Variants in MLLT3 observed in about 807,000 individuals in gnomAD.
The protein encoded by MLLT3 is MLLT3 super elongation complex subunit, also known as protein AF-9.
In MLLT3, 4 loss-of-function variants were observed where a neutral mutation model predicts 53.2. The ratio of observed to expected loss-of-function variants is 0.08; its 90% CI spans 0.04 to 0.17. The LOEUF is 0.17. Among genes scored for constraint, MLLT3 ranks in the 10% least tolerant of loss-of-function variants. The pLI, the probability that MLLT3 is intolerant of heterozygous loss-of-function variation, is 1.00. For missense variants in MLLT3, 569 were observed against 684.0 expected (o/e 0.83, Z 1.87); for synonymous variants, 283 against 230.6 (o/e 1.23, Z -2.06).
intron 5 of MLLT3, among the ~76,000 whole-genome samples, chr9:20,371,102 A>G (rs975315968): frequency 2.6e-5 from 4 of 152,208 alleles, no homozygotes; most frequent in African/African-American, 9.6e-5. Flanking sequence ...CAAAGCCCTA[A>G]TTCTCTTTAA....
chr9:20,378,973 G>A (rs1821843914), intron 5 of MLLT3, among the ~76,000 whole-genome samples: 1 of 152,020 alleles, frequency 6.6e-6, no homozygotes, highest in South Asian at 2.1e-4. Context: ...CTGCTTATAA[G>A]GCTCTAAAGG....
intron 2 of MLLT3, among the ~76,000 whole-genome samples, chr9:20,619,244 T>C (rs999561870): frequency 4.6e-5 from 7 of 152,252 alleles, no homozygotes; most frequent in East Asian, 3.8e-4. Flanking sequence ...TGCATATTTC[T>C]AGCCCTCTAT....
At chr9:20,456,629 G>A in intron 3 of MLLT3, 75 bp downstream of exon 3, 1 of 1,076,606 alleles carries the variant, frequency 9.3e-7, no homozygotes, top group African/African-American at 1.6e-5. Flanking sequence ...GTGCTTATGA[G>A]TCAAAATTAT....
chr9:20,490,593 C>T (rs975215965), intron 2 of MLLT3, among the ~76,000 whole-genome samples: 4 of 152,208 alleles, frequency 2.6e-5, no homozygotes, highest in African/African-American at 9.6e-5. Flanking sequence ...GCTGGCAACA[C>T]CTAGATTTCA....
intron 5 of MLLT3, among the ~76,000 whole-genome samples, chr9:20,405,982 T>A (rs1358766357): frequency 1.3e-5 from 2 of 151,802 alleles, no homozygotes. Flanking sequence ...CATGGTGGTA[T>A]GCGCCTGTGA....
chr9:20,582,389 C>A (rs1381286450), intron 2 of MLLT3, among the ~76,000 whole-genome samples: 1 of 152,104 alleles, frequency 6.6e-6, no homozygotes, highest in African/African-American at 2.4e-5. Context: ...TCTACCTATT[C>A]GTCCCTTCCT....
intron 2 of MLLT3, among the ~76,000 whole-genome samples, chr9:20,490,837 G>T (rs1020999324): frequency 6.6e-6 from 1 of 151,988 alleles, no homozygotes; most frequent in Non-Finnish European, 1.5e-5. Flanking sequence ...AGGAAACTAA[G>T]GAATAGAGAG....
intron 4 of MLLT3, among the ~76,000 whole-genome samples, chr9:20,414,729 C>A (rs967294196): frequency 6.6e-6 from 1 of 152,084 alleles, no homozygotes. Context: ...CTAGAAGATA[C>A]AAGGATGAAT....
chr9:20,418,941 T>C (rs187869168), intron 4 of MLLT3, among the ~76,000 whole-genome samples: 12 of 152,266 alleles, frequency 7.9e-5, no homozygotes, highest in African/African-American at 2.9e-4. Flanking sequence ...ATAGATAATA[T>C]GCTTGCTGCT....
intron 10 of MLLT3, among the ~76,000 whole-genome samples, chr9:20,347,012 A>G (rs1820889474): frequency 6.6e-6 from 1 of 150,762 alleles, no homozygotes; most frequent in Non-Finnish European, 1.5e-5. Flanking sequence ...ACACACCCCT[A>G]TATAAAATCA....
chr9:20,498,560 A>G (rs1355102798), intron 2 of MLLT3, among the ~76,000 whole-genome samples: 1 of 152,230 alleles, frequency 6.6e-6, no homozygotes, highest in African/African-American at 2.4e-5. Flanking sequence ...GGCCACATGC[A>G]GCCCAAGATG....
At chr9:20,522,687 C>A (rs1193602763) in intron 2 of MLLT3, among the ~76,000 whole-genome samples, 4 of 150,156 alleles carry the variant, frequency 2.7e-5, no homozygotes, top group African/African-American at 9.8e-5. Context: ...TGTTTTTTTT[C>A]TAAATTGCAA....
intron 2 of MLLT3, among the ~76,000 whole-genome samples, chr9:20,466,182 T>C (rs10120469): frequency 0.37 from 56,822 of 151,948 alleles, 12,130 homozygotes; most frequent in African/African-American, 0.6. Flanking sequence ...TTTAGGATTT[T>C]GGAATATTTG....
At chr9:20,470,308 C>T (rs1311437444) in intron 2 of MLLT3, among the ~76,000 whole-genome samples, 2 of 151,918 alleles carry the variant, frequency 1.3e-5, no homozygotes, top group Admixed American at 1.3e-4. Context: ...GCATTATAAT[C>T]CCATCTTGAG....
intron 2 of MLLT3, among the ~76,000 whole-genome samples, chr9:20,476,681 A>C (rs1444474818): frequency 6.6e-6 from 1 of 152,158 alleles, no homozygotes; most frequent in Admixed American, 6.6e-5. Context: ...CAACCTTCTA[A>C]GGATTTAAAA....
chr9:20,423,182 C>T (rs1823056548), intron 4 of MLLT3, among the ~76,000 whole-genome samples: 1 of 152,100 alleles, frequency 6.6e-6, no homozygotes, highest in African/African-American at 2.4e-5. Flanking sequence ...TAAGGGCATG[C>T]ACCACCACTA....
At chr9:20,404,825 A>T (rs147990287) in intron 5 of MLLT3, among the ~76,000 whole-genome samples, 1 of 152,016 alleles carries the variant, frequency 6.6e-6, no homozygotes, top group African/African-American at 2.4e-5. Context: ...TTTTTATTCC[A>T]AGTGTAGACT....
At chr9:20,429,845 A>C (rs1245347616) in intron 4 of MLLT3, among the ~76,000 whole-genome samples, 1 of 152,190 alleles carries the variant, frequency 6.6e-6, no homozygotes, top group African/African-American at 2.4e-5. Flanking sequence ...CAACCTTCTA[A>C]ATAGCAAATT....
intron 5 of MLLT3, among the ~76,000 whole-genome samples, chr9:20,390,317 T>C (rs1018267081): frequency 3.3e-5 from 5 of 152,060 alleles, no homozygotes; most frequent in African/African-American, 7.2e-5. Context: ...CTTAAAACTT[T>C]GTTACATAGA....
Sources: allele counts gnomAD v4.1 joint callset (sites outside exome capture counted in the v4.1 genomes callset), GRCh38; gene constraint gnomAD v4.1.1; transcripts MANE v1.5; gene names NCBI Gene and HGNC (gene_info 2026-07-23, HGNC 2026-07-21).